Variants in KCNT1 observed in about 807,000 individuals in gnomAD.
KCNT1 encodes the protein potassium channel subfamily T member 1.
KCNT1 carries 78 observed loss-of-function variants against 147.8 expected under a neutral mutation model. The ratio of observed to expected loss-of-function variants is 0.53; its 90% CI spans 0.44 to 0.64. The LOEUF (loss-of-function observed/expected upper bound fraction) is 0.64. Ranked by LOEUF, KCNT1 falls within the 30% of genes least tolerant of loss-of-function variation. The pLI is 0.00. For synonymous variants in KCNT1, 867 were observed against 748.8 expected (o/e 1.16, Z -2.58); for missense variants, 1,419 against 1,750.3 (o/e 0.81, Z 3.38).
chr9:135,772,852 C>A lies in KCNT1; in HGVS notation c.2146C>A (p.Leu716Met), dbSNP rs752522838. 1 of 1,547,290 alleles carries A rather than the reference C, an allele frequency of 6.5e-7. No individual in the cohort carries two copies. Among genetic ancestry groups the A allele is most frequent in the East Asian group, 2.4e-5 (1 of 40,898 alleles). Residue 716 changes from leucine to methionine, a missense_variant, in exon 19 of 31, where the codon CTG becomes ATG. By Grantham distance (15) the Leu-to-Met change is conservative. Transcript: ENST00000371757. Reference sequence around the variant, plus strand: ...GCCCAGCATCGCGCCCGTCCTGGAACTGGCCGACAGCTCAGCCCTGCTGCC... The same window carrying A: ...GCCCAGCATCGCGCCCGTCCTGGAAATGGCCGACAGCTCAGCCCTGCTGCC... The part of the protein sequence containing the change: ...RRPSIAPVLE[L>M]ADSSALLPCD...
rs373755663 is a variant in KCNT1, at chr9:135,765,705, C to A, written c.1282C>A (p.Arg428=). Residue 428 remains arginine (R), a synonymous_variant, in exon 13 of 31, where the codon CGG becomes AGG. Transcript: ENST00000371757. ...CCTGCAGATCCCTCTGTGGTCCCAG[C>A]GGGTCATCTACCTCCAGGGCTCTGC... ...RVLQIPLWSQ[R]VIYLQGSALK... is the part of the protein sequence containing the mutation. 6 of 1,597,246 alleles carry A rather than the reference C, an allele frequency of 3.8e-6. No homozygotes were observed. Among genetic ancestry groups the A allele is most frequent in the East Asian group, 4.5e-5 (2 of 44,592 alleles).
chr9:135,750,518 AC>A (rs1018666092), intron 3 of KCNT1: 49 of 239,306 alleles, frequency 2.0e-4, no homozygotes, highest in African/African-American at 1.6e-3. Flanking sequence ...CCTGCCTCCC[AC>A]CCCTCCATAC....
At chr9:135,785,570 T>C (rs1285327185) in intron 28 of KCNT1, 12 of 634,970 alleles carry the variant, frequency 1.9e-5, no homozygotes, top group East Asian at 5.5e-5. Context: ...GCCTGTGAGT[T>C]TGGACACCAG....
intron 15 of KCNT1, 22 bp downstream of exon 15, chr9:135,768,959 G>A (rs1249085905): frequency 1.3e-6 from 2 of 1,577,386 alleles, no homozygotes; most frequent in Non-Finnish European, 1.7e-6. Context: ...GCACACGTGG[G>A]TGATGGTGTA....
chr9:135,754,016 A>G, intron 5 of KCNT1, 23 bp downstream of exon 5: 1 of 1,610,922 alleles, frequency 6.2e-7, no homozygotes, highest in Non-Finnish European at 8.5e-7. Context: ...TCCAGCTCCC[A>G]ATAGCCAGGC....
At chr9:135,726,880 T>C (rs1588271479) in intron 2 of KCNT1, among the ~76,000 whole-genome samples, 7 of 124,144 alleles carry the variant, frequency 5.6e-5, no homozygotes, top group Non-Finnish European at 1.0e-4. Context: ...TCCCATTCTC[T>C]CTCTCCCTCT....
chr9:135,749,701 C>T (rs189435696), intron 2 of KCNT1, among the ~76,000 whole-genome samples: 33 of 152,350 alleles, frequency 2.2e-4, no homozygotes, highest in Non-Finnish European at 3.5e-4. Context: ...TGAGCACTTG[C>T]GGTGTCCTGA....
chr9:135,702,484 T>C (rs1835073432), intron 1 of KCNT1, 116 bp downstream of exon 1: 2 of 855,366 alleles, frequency 2.3e-6, no homozygotes, highest in South Asian at 2.9e-5. Context: ...GCCATCCAAC[T>C]TCCCCAGGAC....
intron 2 of KCNT1, among the ~76,000 whole-genome samples, chr9:135,732,970 CT>C (rs1830167444): frequency 6.6e-6 from 1 of 151,976 alleles, no homozygotes; most frequent in South Asian, 2.1e-4. Flanking sequence ...CTGATGAGGG[CT>C]AAGGGTGAGG....
At chr9:135,779,586 T>G in intron 24 of KCNT1, 116 bp downstream of exon 24, 1 of 763,488 alleles carries the variant, frequency 1.3e-6, no homozygotes. Context: ...GCCGCCCTCC[T>G]GCTGGGGAAC....
intron 13 of KCNT1, among the ~76,000 whole-genome samples, chr9:135,767,558 C>T (rs1407166110): frequency 3.3e-5 from 5 of 152,012 alleles, no homozygotes; most frequent in Non-Finnish European, 5.9e-5. Context: ...CCCCCAGATT[C>T]CCCCCTCCCT....
intron 13 of KCNT1, among the ~76,000 whole-genome samples, chr9:135,768,132 C>T (rs1832418630): frequency 6.7e-6 from 1 of 149,200 alleles, no homozygotes; most frequent in Admixed American, 6.7e-5. Flanking sequence ...GCTCCTGTGC[C>T]TTCTCGAGTG....
chr9:135,752,780 TGATGGATG>T lies in KCNT1; in HGVS notation c.435-1140_435-1133del, dbSNP rs374571590. On this transcript the variant is annotated intron_variant, in intron 4 of 30. Coordinates refer to ENST00000371757, the MANE Select transcript of KCNT1 (RefSeq NM_020822.3). The surrounding 1 kb of genome is among the most constrained non-coding windows in gnomAD (Gnocchi z 5.1). ...ATGGAGGGATGAGTGGATGGGTGGA[TGATGGATG>T]GATGGATGGATGGATGATGCGTGGA... 4.4e-5 allele frequency among the ~76,000 whole-genome samples: 6 copies of T among 137,870 alleles called. No homozygotes were observed. The highest frequency in any genetic ancestry group is 2.4e-4 in the South Asian group (1 of 4,220). The allele number at this position is 137,870 out of a possible 152,430, so 90.4% of individuals were successfully genotyped here. A position where few individuals can be genotyped will look rare whatever the true frequency, so the allele number is the denominator to read the frequency against.
At chr9:135,771,536 G>A (rs1832762901) in intron 18 of KCNT1, among the ~76,000 whole-genome samples, 1 of 152,364 alleles carries the variant, frequency 6.6e-6, no homozygotes, top group Admixed American at 6.5e-5. Context: ...GAGGCTCCTG[G>A]TGGTCCCATC....
chr9:135,709,428 C>A (rs1835390241), intron 1 of KCNT1, among the ~76,000 whole-genome samples: 1 of 152,112 alleles, frequency 6.6e-6, no homozygotes, highest in African/African-American at 2.4e-5. Context: ...GGCCACAGAT[C>A]AAAAATGTCC....
intron 29 of KCNT1, chr9:135,788,200 G>T (rs140802775): frequency 4.5e-6 from 7 of 1,566,262 alleles, no homozygotes; most frequent in Non-Finnish European, 6.1e-6. Flanking sequence ...ACCGCACAAC[G>T]GGGCTCGCCA....
At chr9:135,759,899 AG>A (rs760951755) in intron 11 of KCNT1, 40 bp downstream of exon 11, 39 of 1,546,868 alleles carry the variant, frequency 2.5e-5, no homozygotes, top group Non-Finnish European at 4.4e-6. Flanking sequence ...GCACCAGCAA[AG>A]GGACAGGCGG....
chr9:135,732,843 T>C (rs1357264355), intron 2 of KCNT1, among the ~76,000 whole-genome samples: 1 of 151,648 alleles, frequency 6.6e-6, no homozygotes, highest in Non-Finnish European at 1.5e-5. Flanking sequence ...TTCCTGGGGC[T>C]CCATGCCCTT....
chr9:135,779,541 G>A (rs923145543), intron 24 of KCNT1, 71 bp downstream of exon 24: 5 of 1,175,766 alleles, frequency 4.3e-6, no homozygotes, highest in African/African-American at 1.5e-5. Flanking sequence ...GGGCTCAGGG[G>A]AAAGGGGGCC....
Sources: gnomAD v4.1 joint callset for allele counts (sites outside exome capture counted in the v4.1 genomes callset) on GRCh38, gnomAD v4.1.1 for gene constraint, Gnocchi (gnomAD v3.1) non-coding constraint, MANE v1.5 for transcripts, NCBI Gene and HGNC (gene_info 2026-07-23, HGNC 2026-07-21) for gene names.